SNTB1: variants seen among roughly 807,000 people sequenced by gnomAD.
SNTB1 encodes the protein syntrophin beta 1.
A neutral mutation model predicts 48.9 loss-of-function variants in SNTB1; 36 were observed. The ratio of observed to expected loss-of-function variants is 0.74; its 90% CI spans 0.56 to 0.97. The LOEUF (loss-of-function observed/expected upper bound fraction) is 0.97, where lower values mean the gene tolerates loss of function less well. Ranked by LOEUF, SNTB1 falls within the 50% of genes least tolerant of loss-of-function variation. SNTB1 has a pLI of 0.00. For missense variants in SNTB1, 786 were observed against 703.4 expected (o/e 1.12, Z -1.33); for synonymous variants, 299 against 294.6 (o/e 1.01, Z -0.15).
At chr8:120,656,957 C>A (rs561377537) in intron 2 of SNTB1, among the ~76,000 whole-genome samples, 3 of 152,094 alleles carry the variant, frequency 2.0e-5, no homozygotes, top group East Asian at 3.9e-4. Context: ...CAAGGTGATG[C>A]CTAGGTTTTG....
intron 4 of SNTB1, among the ~76,000 whole-genome samples, chr8:120,572,048 G>C (rs1157711457): frequency 6.6e-6 from 1 of 151,960 alleles, no homozygotes; most frequent in African/African-American, 2.4e-5. Flanking sequence ...ATGACTGGAA[G>C]TAAGAAGGAT....
intron 3 of SNTB1, among the ~76,000 whole-genome samples, chr8:120,575,703 TC>T (rs755299070): frequency 1.3e-5 from 2 of 152,214 alleles, no homozygotes; most frequent in Non-Finnish European, 2.9e-5. Flanking sequence ...CTTTCCCTAG[TC>T]TTTTGCTCTT....
rs532833702 is a variant in SNTB1 at position 120,716,215 on chromosome 8, G to C, written c.572-22307C>G. On this transcript the variant is annotated intron_variant, in intron 1 of 6. Coordinates refer to ENST00000517992, the MANE Select transcript of SNTB1 (RefSeq NM_021021.4). ...GCAGGCATAAATTTTTCTACCTCAAGCATGTCTGCCACAGACTGACTGCCT... is the reference window on the plus strand; with the variant it reads ...GCAGGCATAAATTTTTCTACCTCAACCATGTCTGCCACAGACTGACTGCCT... 9.2e-5 allele frequency among the ~76,000 whole-genome samples: 14 copies of C among 152,254 alleles called. No individual in the cohort carries two copies. In the South Asian group the frequency reaches 2.7e-3, roughly 29 times the overall value.
chr8:120,665,920 C>A (rs1817665959), intron 2 of SNTB1, among the ~76,000 whole-genome samples: 1 of 152,166 alleles, frequency 6.6e-6, no homozygotes, highest in Non-Finnish European at 1.5e-5. Flanking sequence ...TTTCATCAAT[C>A]AATTCGTCTA....
intron 1 of SNTB1, among the ~76,000 whole-genome samples, chr8:120,794,287 G>A (rs938956763): frequency 2.0e-5 from 3 of 151,918 alleles, no homozygotes; most frequent in African/African-American, 4.8e-5. Flanking sequence ...TAAACTTCCC[G>A]TACCAGCATT....
Position 120,632,612 on chromosome 8 carries a change from C to T in SNTB1, c.828G>A (p.Val276=). 3 of 1,614,104 alleles carry T rather than the reference C, an allele frequency of 1.9e-6. No individual in the cohort carries two copies. Among genetic ancestry groups the T allele is most frequent in the Non-Finnish European group, 2.5e-6 (3 of 1,180,018 alleles). The change falls in exon 3 of 7, where the codon GTG becomes GTA. Residue 276 remains valine, a synonymous_variant. Coordinates refer to ENST00000517992, the MANE Select transcript of SNTB1 (RefSeq NM_021021.4). Reference sequence around the variant, plus strand: ...TGGCTGAGTCCTTGCTCCTTAGGATCACCGTGTGCTTAGCATCTGGAGAGT... The same window carrying T: ...TGGCTGAGTCCTTGCTCCTTAGGATTACCGTGTGCTTAGCATCTGGAGAGT... ...EIHSPDAKHT[V]ILRSKDSATA...
intron 1 of SNTB1, among the ~76,000 whole-genome samples, chr8:120,717,919 A>G (rs1277910195): frequency 1.3e-5 from 2 of 152,220 alleles, no homozygotes; most frequent in African/African-American, 4.8e-5. Context: ...TTGAGATGGA[A>G]GAAAAGAGGT....
intron 1 of SNTB1, among the ~76,000 whole-genome samples, chr8:120,720,397 A>G (rs1185161602): frequency 6.6e-6 from 1 of 152,234 alleles, no homozygotes; most frequent in Admixed American, 6.5e-5. Flanking sequence ...CTCTGGCCCT[A>G]TGACCCTATT....
intron 1 of SNTB1, among the ~76,000 whole-genome samples, chr8:120,810,522 G>A (rs563226552): frequency 6.6e-6 from 1 of 152,158 alleles, no homozygotes; most frequent in Non-Finnish European, 1.5e-5. Context: ...ACTCAGAAAG[G>A]GCTCCAGAAA....
chr8:120,560,222 C>T (rs1014479838), intron 4 of SNTB1, among the ~76,000 whole-genome samples: 2 of 152,162 alleles, frequency 1.3e-5, no homozygotes, highest in South Asian at 2.1e-4. Context: ...GTGGCTCATG[C>T]GTGTAATCCC....
intron 1 of SNTB1, among the ~76,000 whole-genome samples, chr8:120,720,182 TG>T (rs1234731740): frequency 6.6e-6 from 1 of 152,214 alleles, no homozygotes; most frequent in East Asian, 1.9e-4. Flanking sequence ...ATATGCACTT[TG>T]GGGCAGCCCA....
At chr8:120,620,744 G>A (rs1816780778) in intron 3 of SNTB1, among the ~76,000 whole-genome samples, 2 of 142,256 alleles carry the variant, frequency 1.4e-5, no homozygotes, top group Admixed American at 7.7e-5. Flanking sequence ...CAGAGATCCA[G>A]GCACACAAAA....
At chr8:120,718,165 TGATTG>T (rs1818595692) in intron 1 of SNTB1, among the ~76,000 whole-genome samples, 8 of 152,216 alleles carry the variant, frequency 5.3e-5, no homozygotes, top group Admixed American at 3.9e-4. Flanking sequence ...AGTGTTGATT[TGATTG>T]GATTGAAGGA....
intron 1 of SNTB1, among the ~76,000 whole-genome samples, chr8:120,770,529 A>C (rs2130096901): frequency 6.6e-6 from 1 of 152,058 alleles, no homozygotes; most frequent in East Asian, 1.9e-4. Flanking sequence ...ACACACCTTT[A>C]CGCCGGGTGC....
intron 2 of SNTB1, 122 bp from the exon 3 acceptor site, chr8:120,632,773 G>T: frequency 1.2e-6 from 1 of 802,064 alleles, no homozygotes; most frequent in Non-Finnish European, 2.0e-6. Context: ...GTTTCTAACG[G>T]GATGCCTTAA....
intron 3 of SNTB1, among the ~76,000 whole-genome samples, chr8:120,627,723 T>G (rs1364737181): frequency 6.6e-6 from 1 of 152,236 alleles, no homozygotes; most frequent in African/African-American, 2.4e-5. Context: ...GGTATGTCTC[T>G]TAGCTCTGAA....
chr8:120,785,053 A>G (rs1344941599), intron 1 of SNTB1, among the ~76,000 whole-genome samples: 2 of 152,234 alleles, frequency 1.3e-5, no homozygotes, highest in African/African-American at 4.8e-5. Context: ...CTCAGACTCC[A>G]GCAGGGATGG....
intron 1 of SNTB1, among the ~76,000 whole-genome samples, chr8:120,729,796 T>G (rs994216846): frequency 1.3e-5 from 2 of 152,226 alleles, no homozygotes; most frequent in African/African-American, 4.8e-5. Flanking sequence ...CCTCACAGGA[T>G]AGTGATGCCA....
At chr8:120,695,068 A>AT (rs1818190144) in intron 1 of SNTB1, among the ~76,000 whole-genome samples, 1 of 152,140 alleles carries the variant, frequency 6.6e-6, no homozygotes, top group African/African-American at 2.4e-5. Flanking sequence ...GGGCAACGAG[A>AT]TTCTTGGAAC....
Sources: gnomAD v4.1 joint callset for allele counts (sites outside exome capture counted in the v4.1 genomes callset) on GRCh38, gnomAD v4.1.1 for gene constraint, MANE v1.5 for transcripts, NCBI Gene and HGNC (gene_info 2026-07-23, HGNC 2026-07-21) for gene names.